Variants in LIN9 observed in about 807,000 individuals in gnomAD.
LIN9 encodes protein lin-9 homolog.
Under a neutral mutation model 78.0 loss-of-function variants are expected in LIN9, and 18 were observed. The ratio of observed to expected loss-of-function variants is 0.23; its 90% CI spans 0.16 to 0.34. LIN9 has a LOEUF of 0.34. Among genes scored for constraint, LIN9 ranks in the 10% least tolerant of loss-of-function variants. LIN9 has a pLI of 1.00. For missense variants in LIN9, 451 were observed against 644.1 expected (o/e 0.70, Z 3.25); for synonymous variants, 192 against 215.2 (o/e 0.89, Z 0.94).
chr1:226,274,796 ATAT>A (rs1660530238), intron 7 of LIN9, among the ~76,000 whole-genome samples: 1 of 151,926 alleles, frequency 6.6e-6, no homozygotes, highest in Admixed American at 6.6e-5. Context: ...TTCTTTTCAA[ATAT>A]TATACTTTTC....
At chr1:226,238,559 G>A (rs772458238) in intron 12 of LIN9, among the ~76,000 whole-genome samples, 22 of 151,934 alleles carry the variant, frequency 1.4e-4, no homozygotes, top group Non-Finnish European at 2.1e-4. Context: ...AGTTGAGGCT[G>A]TAGTTCGCCA....
At chr1:226,264,946 A>G (rs184813221) in intron 10 of LIN9, among the ~76,000 whole-genome samples, 70 of 152,346 alleles carry the variant, frequency 4.6e-4, no homozygotes, top group Admixed American at 1.0e-3. Flanking sequence ...ACATTATTAG[A>G]CTATGATTCA....
At position 226,301,025 on chromosome 1, in the gene LIN9, C is replaced by T. The variant is rs1662503834; in HGVS notation, c.64+148G>A. 3.9e-5 allele frequency: 18 copies of T among 459,936 alleles called. No individual in the cohort carries two copies. The East Asian group carries it at 6.0e-4, about 15-fold the overall frequency. The allele number at this position is 459,936 out of a possible 1,614,324, so 28.5% of individuals were successfully genotyped here. ...CTGAGGATCAATTCTCCTATAAAAG[C>T]ATATTAATTTAAGGTTATCAGTGAA... is the stretch of plus-strand genomic sequence containing the variant. On this transcript the variant is annotated intron_variant, in intron 2 of 14. Transcript: ENST00000681046.
rs777753612 is a variant in LIN9, at chr1:226,309,096, A to T, written c.31+13T>A. On this transcript the variant is annotated intron_variant, in intron 1 of 14. Transcript: ENST00000681046. ...GGCGGGAAAAGGGGGGGGTGCTTTG[A>T]GGTGCTACTCACTCTCGTCAGGCAA... 1 of 1,312,678 alleles carries T rather than the reference A, an allele frequency of 7.6e-7. No individual in the cohort carries two copies. The highest frequency in any genetic ancestry group is 1.5e-5 in the African/African-American group (1 of 66,098). The allele number at this position is 1,312,678 out of a possible 1,614,324, so 81.3% of individuals were successfully genotyped here.
intron 4 of LIN9, 36 bp downstream of exon 4, chr1:226,295,802 ACTTC>A: frequency 8.1e-7 from 1 of 1,241,328 alleles, no homozygotes. Flanking sequence ...GCATTTGCTT[ACTTC>A]CTTTCCAATG....
At chr1:226,309,001 A>C in intron 1 of LIN9, 108 bp downstream of exon 1, 1 of 1,122,910 alleles carries the variant, frequency 8.9e-7, no homozygotes, top group Non-Finnish European at 1.2e-6. Context: ...TGGGGCTGGC[A>C]GTCAGCCCAC....
At chr1:226,296,928 C>T (rs1010642592) in intron 3 of LIN9, among the ~76,000 whole-genome samples, 2 of 152,126 alleles carry the variant, frequency 1.3e-5, no homozygotes, top group Non-Finnish European at 2.9e-5. Flanking sequence ...GGAGGCTGAG[C>T]GGGCAGGATC....
At chr1:226,283,692 A>T (rs944483463) in intron 6 of LIN9, among the ~76,000 whole-genome samples, 3 of 152,130 alleles carry the variant, frequency 2.0e-5, no homozygotes, top group African/African-American at 7.2e-5. Flanking sequence ...TCATACCCAT[A>T]ATCTCAGCAC....
At chr1:226,240,721 G>A (rs1658059421) in intron 11 of LIN9, among the ~76,000 whole-genome samples, 1 of 151,952 alleles carries the variant, frequency 6.6e-6, no homozygotes, top group Non-Finnish European at 1.5e-5. Context: ...GTCTCACTCT[G>A]TTGCCCAGGC....
In LIN9 at chr1:226,231,465, G is replaced by C. The variant is rs2377029; in HGVS notation, c.*1036C>G. ...AATTTGAAAAAAATTTATATTTTGA[G>C]TTTATAATATTCTATTAAAACGAAG... On this transcript the variant is annotated 3_prime_UTR_variant, in exon 15 of 15. Coordinates refer to ENST00000681046, the MANE Select transcript of LIN9 (RefSeq NM_001366245.2). 107,243 of 152,402 alleles carry C rather than the reference G, an allele frequency of 0.7. 37,843 individuals are homozygous for C. Among genetic ancestry groups the C allele is most frequent in the East Asian group, 0.75 (3,859 of 5,170 alleles). 9.4% of individuals were successfully genotyped at this position (152,402 alleles called of 1,614,324 possible).
chr1:226,300,612 T>C (rs574247733), intron 2 of LIN9, among the ~76,000 whole-genome samples: 2 of 152,220 alleles, frequency 1.3e-5, no homozygotes, highest in East Asian at 1.9e-4. Flanking sequence ...TCCCAGCACT[T>C]TGGGAGGCCA....
chr1:226,249,040 G>C lies in LIN9; in HGVS notation c.1119+1799C>G, dbSNP rs1576289054. Among the ~76,000 whole-genome samples the C allele has an allele frequency of 2.0e-5, 3 of 152,258 alleles. No homozygotes were observed. In the East Asian group the frequency reaches 5.8e-4, roughly 29 times the overall value. ...ACCCAAAATAGGTCTCTATTTGAAAGCAGATAAGATTAACTGGGCAAAGGC... is the reference window on the plus strand; with the variant it reads ...ACCCAAAATAGGTCTCTATTTGAAACCAGATAAGATTAACTGGGCAAAGGC... On this transcript the variant is annotated intron_variant, in intron 11 of 14. Coordinates refer to ENST00000681046, the MANE Select transcript of LIN9 (RefSeq NM_001366245.2).
At chr1:226,233,296 G>T (rs757302447) in intron 13 of LIN9, 48 bp downstream of exon 13, 1 of 1,534,826 alleles carries the variant, frequency 6.5e-7, no homozygotes, top group Admixed American at 1.8e-5. Context: ...ACAAATTAGC[G>T]TGGGTTGCTT....
intron 8 of LIN9, among the ~76,000 whole-genome samples, chr1:226,266,782 CTTT>C (rs200745559): frequency 1.4e-5 from 2 of 141,540 alleles, no homozygotes; most frequent in Admixed American, 7.2e-5. Flanking sequence ...AAGCAATTTA[CTTT>C]TTTTTTTTTT....
intron 1 of LIN9, among the ~76,000 whole-genome samples, chr1:226,308,014 A>G (rs906529410): frequency 6.6e-6 from 1 of 152,218 alleles, no homozygotes; most frequent in Non-Finnish European, 1.5e-5. Context: ...CTAAGAACAC[A>G]TGACCTCACA....
At chr1:226,305,924 TG>T (rs1662886798) in intron 1 of LIN9, among the ~76,000 whole-genome samples, 1 of 151,996 alleles carries the variant, frequency 6.6e-6, no homozygotes, top group African/African-American at 2.4e-5. Context: ...AGAGAAGAAA[TG>T]GTAACAGTTT....
intron 1 of LIN9, among the ~76,000 whole-genome samples, chr1:226,304,558 C>T (rs185347938): frequency 2.0e-5 from 3 of 152,132 alleles, no homozygotes; most frequent in East Asian, 3.9e-4. Context: ...TTGGTGGGGA[C>T]GGGGGAATTA....
chr1:226,282,055 G>T (rs1437895177), intron 6 of LIN9, among the ~76,000 whole-genome samples: 1 of 152,158 alleles, frequency 6.6e-6, no homozygotes, highest in African/African-American at 2.4e-5. Flanking sequence ...AAATGCATAT[G>T]TTCCTCTATT....
intron 11 of LIN9, among the ~76,000 whole-genome samples, chr1:226,245,127 A>G (rs1345834238): frequency 6.6e-6 from 1 of 152,218 alleles, no homozygotes; most frequent in Admixed American, 6.5e-5. Flanking sequence ...ATCACTGACA[A>G]AAGAGAGATT....
Sources: gnomAD v4.1 joint callset for allele counts (sites outside exome capture counted in the v4.1 genomes callset) on GRCh38, gnomAD v4.1.1 for gene constraint, MANE v1.5 for transcripts, NCBI Gene and HGNC (gene_info 2026-07-23, HGNC 2026-07-21) for gene names.